The following C10orf67 variants were observed in gnomAD, a reference collection of about 807,000 sequenced individuals.
C10orf67 encodes the protein chromosome 10 open reading frame 67, also known as uncharacterized protein C10orf67, mitochondrial.
In C10orf67, 60 loss-of-function variants were observed where a neutral mutation model predicts 35.6. That is an observed-to-expected ratio of 1.68 (90% confidence interval 1.37 to 2.09). The LOEUF is 2.09. Among genes scored for constraint, C10orf67 ranks in the 30% most tolerant of loss-of-function variants. The pLI is 0.00. For missense variants in C10orf67, 474 were observed against 330.2 expected (o/e 1.44, Z -3.38); for synonymous variants, 167 against 115.8 (o/e 1.44, Z -2.84).
At chr10:23,254,473 G>A (rs1473311953) in intron 10 of C10orf67, among the ~76,000 whole-genome samples, 1 of 151,644 alleles carries the variant, frequency 6.6e-6, no homozygotes, top group Non-Finnish European at 1.5e-5. Flanking sequence ...GCCTCCTAAA[G>A]TGCTGGGATT....
At chr10:23,269,329 C>A (rs1348902869) in intron 8 of C10orf67, among the ~76,000 whole-genome samples, 1 of 152,190 alleles carries the variant, frequency 6.6e-6, no homozygotes, top group African/African-American at 2.4e-5. Context: ...TTGTCCAACA[C>A]TAACTCCAAG....
chr10:23,314,905 A>C (rs1312131238), intron 4 of C10orf67, among the ~76,000 whole-genome samples: 1 of 152,220 alleles, frequency 6.6e-6, no homozygotes, highest in African/African-American at 2.4e-5. Flanking sequence ...AAGTTAAATA[A>C]ATTTAGAAAC....
intron 8 of C10orf67, among the ~76,000 whole-genome samples, chr10:23,272,486 T>C (rs1445870794): frequency 6.6e-6 from 1 of 152,246 alleles, no homozygotes; most frequent in Non-Finnish European, 1.5e-5. Flanking sequence ...TGGTCAGAAA[T>C]CAATTCATTA....
intron 5 of C10orf67, among the ~76,000 whole-genome samples, chr10:23,297,996 C>G (rs1051799971): frequency 1.3e-5 from 2 of 152,176 alleles, no homozygotes; most frequent in African/African-American, 4.8e-5. Context: ...TGGCTCACGC[C>G]TATAATCCTA....
chr10:23,299,169 C>T (rs532896199), intron 5 of C10orf67, among the ~76,000 whole-genome samples: 26 of 152,228 alleles, frequency 1.7e-4, no homozygotes, highest in Admixed American at 9.8e-4. Context: ...ATTGATAATC[C>T]TGAGATCTTC....
At chr10:23,258,624 G>C (rs935393027) in intron 10 of C10orf67, 1 of 153,642 alleles carries the variant, frequency 6.5e-6, no homozygotes, top group African/African-American at 2.4e-5. Flanking sequence ...CTATGTCTAA[G>C]GGCTGAAGAA....
intron 2 of C10orf67, among the ~76,000 whole-genome samples, chr10:23,332,794 T>A (rs771961075): frequency 3.3e-5 from 5 of 152,176 alleles, no homozygotes; most frequent in African/African-American, 1.2e-4. Flanking sequence ...TTTTAAAGTG[T>A]CATAAATAGA....
At chr10:23,252,338 C>T (rs1007102504) in intron 10 of C10orf67, among the ~76,000 whole-genome samples, 18 of 152,064 alleles carry the variant, frequency 1.2e-4, no homozygotes, top group African/African-American at 3.4e-4. Flanking sequence ...AGCTGCCTGT[C>T]CTTGTTAATG....
At chr10:23,278,642 A>G (rs957105225) in intron 8 of C10orf67, among the ~76,000 whole-genome samples, 2 of 152,192 alleles carry the variant, frequency 1.3e-5, no homozygotes, top group Non-Finnish European at 1.5e-5. Context: ...CACCTCTTCC[A>G]GGCAAGGGAA....
At chr10:23,289,808 TCA>T in intron 7 of C10orf67, 90 bp downstream of exon 7, 1 of 662,266 alleles carries the variant, frequency 1.5e-6, no homozygotes, top group Non-Finnish European at 2.8e-6. Context: ...TTCCTCTATG[TCA>T]TAAGACACTC....
At position 23,222,755 on chromosome 10, in the gene C10orf67, C is replaced by T. The variant is rs187101817; in HGVS notation, c.1570+843G>A. On this transcript the variant is annotated intron_variant, in intron 15 of 15. Transcript: ENST00000636213. The stretch of plus-strand genomic sequence containing the variant: ...AGAAATAATTTCAGCCTGGGCAACA[C>T]GACAAAATCTCAGCTGTAAAAAAAC... Among the ~76,000 whole-genome samples the T allele has an allele frequency of 7.0e-4, 107 of 152,246 alleles. 2 individuals carry two copies. The East Asian group carries it at 0.013, about 18-fold the overall frequency.
At chr10:23,320,289 C>G (rs1844894105) in intron 4 of C10orf67, among the ~76,000 whole-genome samples, 1 of 152,140 alleles carries the variant, frequency 6.6e-6, no homozygotes, top group Non-Finnish European at 1.5e-5. Flanking sequence ...TTTGCTGAGT[C>G]TAAGAAAACC....
chr10:23,241,703 G>T (rs12241190), intron 12 of C10orf67, among the ~76,000 whole-genome samples: 4,927 of 152,142 alleles, frequency 0.032, 247 homozygotes, highest in African/African-American at 0.11. Flanking sequence ...AGGAGGATCA[G>T]AGTAGATAAG....
intron 10 of C10orf67, among the ~76,000 whole-genome samples, chr10:23,251,476 T>C (rs1183859391): frequency 6.6e-6 from 1 of 152,192 alleles, no homozygotes; most frequent in Non-Finnish European, 1.5e-5. Context: ...TGTTTATATT[T>C]TGCAAGAGGA....
intron 8 of C10orf67, among the ~76,000 whole-genome samples, chr10:23,276,247 G>C (rs1258966437): frequency 6.6e-6 from 1 of 152,070 alleles, no homozygotes; most frequent in Admixed American, 6.5e-5. Context: ...ATTACTAGTG[G>C]GAACAGACAA....
chr10:23,250,811 T>C (rs770175576), intron 10 of C10orf67, 120 bp from the exon 11 acceptor site: 1 of 394,610 alleles, frequency 2.5e-6, no homozygotes, highest in Non-Finnish European at 4.5e-6. Context: ...TCAAACATAA[T>C]TTGAGGCGGG....
At position 23,239,794 on chromosome 10, in the gene C10orf67, T is replaced by C. The variant is rs1475677298; in HGVS notation, c.1369A>G (p.Met457Val). ...RNSFHVLKNE[M>V]FTRHTLFRQF... ...CGAAACAGTGTGTGCCTTGTAAACA[T>C]CTCATTCTTAAGGACATGAAAGCTG... Residue 457 changes from methionine to valine, a missense_variant, in exon 13 of 16, where the codon ATG becomes GTG. By Grantham distance (21) the Met-to-Val change is conservative. Coordinates refer to ENST00000636213, the MANE Select transcript of C10orf67 (RefSeq NM_001371909.1). 3.2e-6 allele frequency: 2 copies of C among 627,486 alleles called. No individual in the cohort carries two copies. The highest frequency in any genetic ancestry group is 2.8e-5 in the East Asian group (1 of 36,158). The allele number at this position is 627,486 out of a possible 1,614,324, so 38.9% of individuals were successfully genotyped here.
At chr10:23,321,290 AT>A (rs1378392475) in intron 3 of C10orf67, among the ~76,000 whole-genome samples, 1 of 152,280 alleles carries the variant, frequency 6.6e-6, no homozygotes, top group African/African-American at 2.4e-5. Flanking sequence ...TGCATTAAAA[AT>A]AATACCCATG....
chr10:23,268,809 G>A (rs1842947830), intron 8 of C10orf67, among the ~76,000 whole-genome samples: 1 of 152,198 alleles, frequency 6.6e-6, no homozygotes, highest in Non-Finnish European at 1.5e-5. Flanking sequence ...ATAGCCTATT[G>A]TTCCTAGGCC....
Sources: gnomAD v4.1 joint callset for allele counts (sites outside exome capture counted in the v4.1 genomes callset) on GRCh38, gnomAD v4.1.1 for gene constraint, MANE v1.5 for transcripts, NCBI Gene and HGNC (gene_info 2026-07-23, HGNC 2026-07-21) for gene names.